WWOX: variants seen among roughly 807,000 people sequenced by gnomAD.
WWOX encodes the protein WW domain-containing oxidoreductase.
WWOX carries 69 observed loss-of-function variants against 46.2 expected under a neutral mutation model. The ratio of observed to expected loss-of-function variants is 1.49; its 90% CI spans 1.23 to 1.82. The LOEUF is 1.82. Among genes scored for constraint, WWOX ranks in the 40% most tolerant of loss-of-function variants. WWOX has a pLI of 0.00. For missense variants in WWOX, 919 were observed against 542.6 expected, an observed-to-expected ratio of 1.69 and a Z score of -6.89; for synonymous variants, 359 against 202.6, an observed-to-expected ratio of 1.77 and a Z score of -6.56.
intron 8 of WWOX, among the ~76,000 whole-genome samples, chr16:79,102,500 C>T (rs993453154): frequency 1.3e-5 from 2 of 152,206 alleles, no homozygotes; most frequent in Admixed American, 6.5e-5. Context: ...ATTTACCAAA[C>T]ATCATGCTTT....
intron 8 of WWOX, among the ~76,000 whole-genome samples, chr16:78,748,158 T>C (rs542970567): frequency 2.6e-5 from 4 of 152,174 alleles, no homozygotes; most frequent in Non-Finnish European, 5.9e-5. Flanking sequence ...CCCCGTGTCA[T>C]TGCCGAATTC....
At chr16:79,010,329 C>A (rs139841836) in intron 8 of WWOX, among the ~76,000 whole-genome samples, 2 of 152,034 alleles carry the variant, frequency 1.3e-5, no homozygotes, top group Non-Finnish European at 2.9e-5. Flanking sequence ...GTGCCTCAGG[C>A]GACAGATGGG....
chr16:78,835,782 A>G, intron 8 of WWOX, among the ~76,000 whole-genome samples: 1 of 152,216 alleles, frequency 6.6e-6, no homozygotes, highest in African/African-American at 2.4e-5. Context: ...TTGCCAAAAA[A>G]TTGCTAGCAG....
chr16:78,145,416 A>G (rs1453109140), intron 4 of WWOX, among the ~76,000 whole-genome samples: 1 of 152,094 alleles, frequency 6.6e-6, no homozygotes. Flanking sequence ...CAAGAGTCCA[A>G]AAGCTGAAGA....
chr16:78,303,825 G>A (rs2080085950), intron 5 of WWOX, among the ~76,000 whole-genome samples: 1 of 152,150 alleles, frequency 6.6e-6, no homozygotes, highest in Admixed American at 6.5e-5. Context: ...GATTACAGGT[G>A]TGAGCCACCG....
intron 8 of WWOX, among the ~76,000 whole-genome samples, chr16:79,021,041 G>A (rs190050922): frequency 2.0e-5 from 3 of 152,252 alleles, no homozygotes; most frequent in Admixed American, 2.0e-4. Context: ...GCTTCAAAAA[G>A]TTTTCAGGGA....
At chr16:78,699,504 A>G (rs1220264101) in intron 8 of WWOX, among the ~76,000 whole-genome samples, 1 of 152,116 alleles carries the variant, frequency 6.6e-6, no homozygotes, top group African/African-American at 2.4e-5. Flanking sequence ...GTGCCACTGT[A>G]CTCCCACATG....
intron 6 of WWOX, among the ~76,000 whole-genome samples, chr16:78,417,982 T>C (rs1298361611): frequency 1.3e-5 from 2 of 152,202 alleles, no homozygotes; most frequent in Non-Finnish European, 2.9e-5. Flanking sequence ...ATAATAAGAT[T>C]TGCATGAATA....
intron 5 of WWOX, among the ~76,000 whole-genome samples, chr16:78,319,661 G>A (rs1003641903): frequency 2.6e-5 from 4 of 152,136 alleles, no homozygotes; most frequent in African/African-American, 9.7e-5. Context: ...GTGTCACATA[G>A]CAATGGAAAA....
At chr16:78,145,302 G>T (rs988491856) in intron 4 of WWOX, among the ~76,000 whole-genome samples, 56 of 152,256 alleles carry the variant, frequency 3.7e-4, no homozygotes, top group African/African-American at 1.2e-3. Flanking sequence ...GGACAAGGAA[G>T]CCAGTTTGAG....
At chr16:78,316,450 C>G (rs112058551) in intron 5 of WWOX, among the ~76,000 whole-genome samples, 8,118 of 152,162 alleles carry the variant, frequency 0.053, 349 homozygotes, top group Admixed American at 0.13. Context: ...TCAAGCGATT[C>G]TCCTGCCTCA....
chr16:78,646,674 C>T (rs1050910267), intron 8 of WWOX, among the ~76,000 whole-genome samples: 3 of 152,302 alleles, frequency 2.0e-5, no homozygotes, highest in South Asian at 4.1e-4. Flanking sequence ...GTGATCCGCC[C>T]TACTGGGCCT....
chr16:78,147,207 A>G (rs1029549806), intron 4 of WWOX, among the ~76,000 whole-genome samples: 5 of 152,156 alleles, frequency 3.3e-5, no homozygotes, highest in African/African-American at 1.2e-4. Context: ...GGTAAGGATT[A>G]TCCTTTAATT....
intron 6 of WWOX, among the ~76,000 whole-genome samples, chr16:78,411,084 G>C (rs2082669549): frequency 6.6e-6 from 1 of 152,106 alleles, no homozygotes; most frequent in South Asian, 2.1e-4. Context: ...GCATCTTTTT[G>C]TAAACCAATC....
chr16:78,379,885 A>G (rs1262399631), intron 5 of WWOX, among the ~76,000 whole-genome samples: 3 of 152,198 alleles, frequency 2.0e-5, no homozygotes, highest in African/African-American at 4.8e-5. Context: ...ATTATTGGTA[A>G]GCATAATGTA....
At chr16:79,076,902 C>G (rs930828587) in intron 8 of WWOX, among the ~76,000 whole-genome samples, 1 of 152,192 alleles carries the variant, frequency 6.6e-6, no homozygotes, top group Non-Finnish European at 1.5e-5. Context: ...GCGTATTGTC[C>G]TGTTTCATCC....
At chr16:78,410,673 G>A (rs1010600107) in intron 6 of WWOX, among the ~76,000 whole-genome samples, 2 of 151,756 alleles carry the variant, frequency 1.3e-5, no homozygotes, top group African/African-American at 4.8e-5. Context: ...GGGCATGGTG[G>A]CACATGCATG....
chr16:78,637,404 G>T (rs950970707), intron 8 of WWOX, among the ~76,000 whole-genome samples: 4 of 151,218 alleles, frequency 2.6e-5, no homozygotes, highest in African/African-American at 9.8e-5. Flanking sequence ...CAGTGCCACT[G>T]TGTTCCAGCC....
chr16:79,033,743 A>G (rs2656642), intron 8 of WWOX, among the ~76,000 whole-genome samples: 26,749 of 152,178 alleles, frequency 0.18, 2,641 homozygotes, highest in African/African-American at 0.27. Flanking sequence ...GCCCCTGGCA[A>G]CCACCATTCT....
Sources: gnomAD v4.1 joint callset for allele counts (sites outside exome capture counted in the v4.1 genomes callset) on GRCh38, gnomAD v4.1.1 for gene constraint, MANE v1.5 for transcripts, NCBI Gene and HGNC (gene_info 2026-07-23, HGNC 2026-07-21) for gene names.